Variants in PTPRF observed in about 807,000 individuals in gnomAD.
The protein encoded by PTPRF is protein tyrosine phosphatase receptor type F, also known as receptor-type tyrosine-protein phosphatase F.
Under a neutral mutation model 201.8 loss-of-function variants are expected in PTPRF, and 59 were observed. The observed-to-expected ratio is 0.29, with a 90% CI of 0.24 to 0.36. The LOEUF (loss-of-function observed/expected upper bound fraction) is 0.36. Ranked by LOEUF, PTPRF falls within the 10% of genes least tolerant of loss-of-function variation. PTPRF has a pLI of 1.00. For synonymous variants in PTPRF, 1,088 were observed against 1,089.7 expected (o/e 1.00, Z 0.03); for missense variants, 2,132 against 2,690.5 (o/e 0.79, Z 4.59).
Position 43,553,503 on chromosome 1 carries a change from T to C in PTPRF, c.103T>C (p.Phe35Leu). ...TCCATCTCTTCCAGGCAAACCTGTC[T>C]TCATTAAAGTCCCTGAGGACCAGAC... ...AGAHGDSKPV[F>L]IKVPEDQTGL... Residue 35 changes from phenylalanine (F) to leucine (L), a missense_variant, in exon 4 of 34, where the codon TTC (phenylalanine) becomes CTC (leucine). Physicochemically the swap from Phe to Leu is conservative, Grantham distance 22. Coordinates refer to ENST00000359947, the MANE Select transcript of PTPRF (RefSeq NM_002840.5). This position sits in a 1 kb window ranked among gnomAD's most constrained non-coding sequence, Gnocchi z 4.1. 1 of 1,614,062 alleles carries C rather than the reference T, an allele frequency of 6.2e-7. No homozygotes were observed.
At chr1:43,580,443 A>G (rs1647292443) in intron 7 of PTPRF, among the ~76,000 whole-genome samples, 1 of 152,220 alleles carries the variant, frequency 6.6e-6, no homozygotes. Flanking sequence ...TTCAGAGACT[A>G]TTAAAGATGC....
chr1:43,575,248 A>T (rs1270892069), intron 6 of PTPRF, among the ~76,000 whole-genome samples: 1 of 152,244 alleles, frequency 6.6e-6, no homozygotes, highest in African/African-American at 2.4e-5. Flanking sequence ...GGTGCTAGAC[A>T]GGAAAAGGGT....
chr1:43,578,848 G>A lies in PTPRF; in HGVS notation c.607G>A (p.Gly203Ser). ...QIESSEESDQ[G>S]KYECVATNSA... ...AGAGAGCAGTGAGGAATCCGACCAA[G>A]GCAAGTACGAGTGTGTGGCGACCAA... The change falls in exon 7 of 34, where the codon GGC (glycine) becomes AGC (serine). Residue 203 changes from glycine (G) to serine (S), a missense_variant. Physicochemically the swap from Gly to Ser is moderately conservative, Grantham distance 56. Transcript: ENST00000359947. 1 of 1,614,232 alleles carries A rather than the reference G, an allele frequency of 6.2e-7. No individual in the cohort carries two copies. Among genetic ancestry groups the A allele is most frequent in the Non-Finnish European group, 8.5e-7 (1 of 1,180,032 alleles).
chr1:43,598,866 C>T lies in PTPRF; in HGVS notation c.2266C>T (p.Pro756Ser). 2 of 1,614,110 alleles carry T rather than the reference C, an allele frequency of 1.2e-6. No homozygotes were observed. Among genetic ancestry groups the T allele is most frequent in the African/African-American group, 1.3e-5 (1 of 75,034 alleles). Residue 756 changes from proline to serine, a missense_variant, in exon 13 of 34, where the codon CCC becomes TCC. Pro to Ser is a moderately conservative substitution (Grantham distance 74, BLOSUM62 -1). Around this residue, in one of 6 missense-constraint regions of PTPRF, gnomAD observed 818 missense variants for 915.3 expected, o/e 0.89. Coordinates refer to ENST00000359947, the MANE Select transcript of PTPRF (RefSeq NM_002840.5). ...CTACGTGCGGCTGGAGAATGGCGAG[C>T]CCCGTGGACTCCCCATCATCCAAGA... ...VTYVRLENGE[P>S]RGLPIIQDVM... is the part of the protein sequence containing the mutation.
intron 5 of PTPRF, among the ~76,000 whole-genome samples, chr1:43,556,667 G>T (rs1384929612): frequency 6.6e-6 from 1 of 152,196 alleles, no homozygotes; most frequent in Non-Finnish European, 1.5e-5. Flanking sequence ...TGTGTCTTTG[G>T]GTTAGTAACT....
At chr1:43,535,722 G>A (rs1238649931) in intron 1 of PTPRF, among the ~76,000 whole-genome samples, 1 of 152,192 alleles carries the variant, frequency 6.6e-6, no homozygotes. Context: ...GGACATGACT[G>A]TGGACTTCAC....
At chr1:43,532,088 C>G (rs1489226697) in intron 1 of PTPRF, among the ~76,000 whole-genome samples, 1 of 152,176 alleles carries the variant, frequency 6.6e-6, no homozygotes, top group Admixed American at 6.5e-5. Context: ...TTGGGTCTCT[C>G]TATTTCCTCT....
Position 43,591,279 on chromosome 1 carries a change from C to T in PTPRF, c.1257C>T (p.Arg419=), listed in dbSNP as rs765580388. 125 of 1,555,872 alleles carry T rather than the reference C, an allele frequency of 8.0e-5. No homozygotes were observed. Among genetic ancestry groups the T allele is most frequent in the Non-Finnish European group, 9.6e-5 (111 of 1,152,198 alleles). Residue 419 remains arginine, a synonymous_variant, in exon 9 of 34, where the codon CGC becomes CGT. Coordinates refer to ENST00000359947, the MANE Select transcript of PTPRF (RefSeq NM_002840.5). ...GEQAPSSPPR[R]VQARMLSAST... is the part of the protein sequence containing the mutation. ...AGGCGCCCTCCAGCCCACCGCGCCGCGTGCAGGCACGCATGCTGAGCGCCA... is the reference window on the plus strand; with the variant it reads ...AGGCGCCCTCCAGCCCACCGCGCCGTGTGCAGGCACGCATGCTGAGCGCCA...
chr1:43,609,767 G>A (rs1040376108), intron 22 of PTPRF, among the ~76,000 whole-genome samples: 4 of 152,230 alleles, frequency 2.6e-5, no homozygotes, highest in Admixed American at 6.5e-5. Flanking sequence ...TTCAGTCAAG[G>A]CCTCTGAATA....
At chr1:43,572,486 C>G (rs2153989909) in intron 6 of PTPRF, among the ~76,000 whole-genome samples, 2 of 152,326 alleles carry the variant, frequency 1.3e-5, no homozygotes, top group South Asian at 4.1e-4. Context: ...ACCATCCCAC[C>G]TCTGCAGTAA....
At position 43,542,497 on chromosome 1, in the gene PTPRF, G is replaced by C. The variant is rs1004481330; in HGVS notation, c.-45-2534G>C. On this transcript the variant is annotated intron_variant, in intron 2 of 33. Coordinates refer to ENST00000359947, the MANE Select transcript of PTPRF (RefSeq NM_002840.5). This position sits in a 1 kb window ranked among gnomAD's most constrained non-coding sequence, Gnocchi z 5.2. ...GGGGGTTTCTGGAGGCCCCACGTTG[G>C]GGGTAGGGTTACCTGAGGCCCAAGT... Among the ~76,000 whole-genome samples the C allele has an allele frequency of 4.6e-5, 7 of 152,094 alleles. No individual in the cohort carries two copies. The highest frequency in any genetic ancestry group is 8.8e-5 in the Non-Finnish European group (6 of 67,992).
rs554851721 is a variant in PTPRF at position 43,548,769 on chromosome 1, A to G, written c.91+3603A>G. On this transcript the variant is annotated intron_variant, in intron 3 of 33. Coordinates refer to ENST00000359947, the MANE Select transcript of PTPRF (RefSeq NM_002840.5). ...CAGCTTAAGCTGCTCAGACCCAGGG[A>G]TATCTGTCTCTCCAGAAGCTCCCTG... Among the ~76,000 whole-genome samples the G allele has an allele frequency of 3.3e-5, 5 of 152,294 alleles. No homozygotes were observed. In the South Asian group the frequency reaches 8.3e-4, roughly 25 times the overall value.
chr1:43,600,318 C>T (rs1040641255), intron 13 of PTPRF, among the ~76,000 whole-genome samples: 5 of 152,186 alleles, frequency 3.3e-5, no homozygotes, highest in Non-Finnish European at 5.9e-5. Context: ...ACTTCAAGTG[C>T]CCCCTTCTGG....
At position 43,554,569 on chromosome 1, in the gene PTPRF, GAGCTCTGAGT is replaced by G. The variant is rs776440496; in HGVS notation, c.379+631_379+640del. On this transcript the variant is annotated intron_variant, in intron 5 of 33. Transcript: ENST00000359947. The surrounding 1 kb of genome is among the most constrained non-coding windows in gnomAD (Gnocchi z 4.1). ...AGCAAGAGAGGATGGAGCTTTCAGA[GAGCTCTGAGT>G]AGTTCAATTTGGGTTTTCTGGAGGG... Among the ~76,000 whole-genome samples, 10 of 152,180 alleles carry G rather than the reference GAGCTCTGAGT, an allele frequency of 6.6e-5. No individual in the cohort carries two copies. Among genetic ancestry groups the G allele is most frequent in the Non-Finnish European group, 1.5e-4 (10 of 68,040 alleles).
chr1:43,613,798 G>A, intron 23 of PTPRF, 83 bp downstream of exon 23: 2 of 1,251,324 alleles, frequency 1.6e-6, no homozygotes, highest in Non-Finnish European at 2.3e-6. Flanking sequence ...CCCAGCTGTG[G>A]TGGGTGAGGA....
rs1273468267 is a variant in PTPRF at position 43,591,986 on chromosome 1, G to C, written c.1668+38G>C. 9 of 1,608,830 alleles carry C rather than the reference G, an allele frequency of 5.6e-6. No individual in the cohort carries two copies. The East Asian group carries it at 2.0e-4, about 36-fold the overall frequency. On this transcript the variant is annotated intron_variant, in intron 10 of 33. Coordinates refer to ENST00000359947, the MANE Select transcript of PTPRF (RefSeq NM_002840.5). ...CAGAGAAGCACTGAGGGGGTCTCCT[G>C]GTCCCTGAGGGTCTGTGATGGGCTT... is the stretch of plus-strand genomic sequence containing the variant.
chr1:43,622,104 G>C lies in PTPRF; in HGVS notation c.*101G>C. 7.9e-7 allele frequency: 1 copy of C among 1,259,722 alleles called. No individual in the cohort carries two copies. Among genetic ancestry groups the C allele is most frequent in the East Asian group, 2.3e-5 (1 of 42,964 alleles). 78.0% of individuals were successfully genotyped at this position (1,259,722 alleles called of 1,614,324 possible). The stretch of plus-strand genomic sequence containing the variant: ...CATCGTCCAGCCCTCCTACGCAGAT[G>C]CTGTCACTGGCAGAGCACAGCCCAC... On this transcript the variant is annotated 3_prime_UTR_variant, in exon 34 of 34. Coordinates refer to ENST00000359947, the MANE Select transcript of PTPRF (RefSeq NM_002840.5).
At chr1:43,531,981 T>G (rs765483380) in intron 1 of PTPRF, among the ~76,000 whole-genome samples, 4 of 152,182 alleles carry the variant, frequency 2.6e-5, no homozygotes, top group Non-Finnish European at 4.4e-5. Context: ...CTGTCTCCAT[T>G]CTTTTTCCCC....
chr1:43,575,781 C>A (rs1348546044), intron 6 of PTPRF: 12 of 600,296 alleles, frequency 2.0e-5, no homozygotes, highest in Admixed American at 9.9e-5. Flanking sequence ...TAACTCAGGC[C>A]TCAATTTCTC....
Sources: gnomAD v4.1 joint callset for allele counts (sites outside exome capture counted in the v4.1 genomes callset) on GRCh38, gnomAD v4.1.1 for gene constraint, gnomAD v4.1.1 regional missense constraint, Gnocchi (gnomAD v3.1) non-coding constraint, MANE v1.5 for transcripts, NCBI Gene and HGNC (gene_info 2026-07-23, HGNC 2026-07-21) for gene names.